KIAA0825: variants seen among roughly 807,000 people sequenced by gnomAD.
KIAA0825 encodes uncharacterized protein KIAA0825.
Under a neutral mutation model 147.6 loss-of-function variants are expected in KIAA0825, and 119 were observed. That is an observed-to-expected ratio of 0.81 (90% CI 0.69 to 0.94). The LOEUF (loss-of-function observed/expected upper bound fraction) is 0.94, where lower values mean the gene tolerates loss of function less well. KIAA0825 is among the 40% of genes least tolerant of loss of function. The pLI, the probability that KIAA0825 is intolerant of heterozygous loss-of-function variation, is 0.00. For missense variants in KIAA0825, 1,381 were observed against 1,472.7 expected, an observed-to-expected ratio of 0.94 and a Z score of 1.02; for synonymous variants, 470 against 518.1, an observed-to-expected ratio of 0.91 and a Z score of 1.26.
chr5:94,454,752 C>A lies in KIAA0825; in HGVS notation c.2247-1683G>T, dbSNP rs372465013. 6.7e-4 allele frequency among the ~76,000 whole-genome samples: 102 copies of A among 152,108 alleles called. 1 individual carries two copies. Among genetic ancestry groups the A allele is most frequent in the African/African-American group, 2.3e-3 (97 of 41,478 alleles). The stretch of plus-strand genomic sequence containing the variant: ...ATAACTTTAGCAGTAGTGAGGAGAG[C>A]AGGTTGGAAAGAGTCAGGCAGGAGA... On this transcript the variant is annotated intron_variant, in intron 12 of 20. Coordinates refer to ENST00000682413, the MANE Select transcript of KIAA0825 (RefSeq NM_001145678.3).
At chr5:94,500,725 T>G (rs79632280) in intron 5 of KIAA0825, among the ~76,000 whole-genome samples, 1,789 of 152,294 alleles carry the variant, frequency 0.012, 43 homozygotes, top group African/African-American at 0.041. Context: ...ATCATCATGA[T>G]AAACAAAAGA....
At chr5:94,411,384 AT>A (rs1198406510) in intron 15 of KIAA0825, among the ~76,000 whole-genome samples, 3 of 152,204 alleles carry the variant, frequency 2.0e-5, no homozygotes, top group African/African-American at 7.2e-5. Flanking sequence ...AGATGCATCT[AT>A]TTGATCACTT....
intron 12 of KIAA0825, among the ~76,000 whole-genome samples, chr5:94,456,573 G>A (rs531618618): frequency 6.6e-6 from 1 of 152,290 alleles, no homozygotes; most frequent in Non-Finnish European, 1.5e-5. Flanking sequence ...GAGAGCCTGG[G>A]CTTATATCCT....
chr5:94,382,710 C>T (rs990431519), intron 20 of KIAA0825, among the ~76,000 whole-genome samples: 1 of 152,146 alleles, frequency 6.6e-6, no homozygotes, highest in African/African-American at 2.4e-5. Flanking sequence ...CCCACTCCTG[C>T]ACAGATCTCA....
intron 1 of KIAA0825, among the ~76,000 whole-genome samples, chr5:94,600,445 G>A (rs116153051): frequency 0.02 from 3,029 of 150,284 alleles, 83 homozygotes; most frequent in African/African-American, 0.061. Flanking sequence ...ATTTCCTTAT[G>A]TGTATATATA....
At chr5:94,526,936 G>T (rs1188085586) in intron 3 of KIAA0825, among the ~76,000 whole-genome samples, 2 of 151,922 alleles carry the variant, frequency 1.3e-5, no homozygotes, top group Non-Finnish European at 2.9e-5. Flanking sequence ...AGTGCCTGTG[G>T]GAGGTGTAAA....
intron 3 of KIAA0825, among the ~76,000 whole-genome samples, 184 bp from the exon 4 acceptor site, chr5:94,524,282 T>C (rs1224245497): frequency 2.6e-5 from 4 of 151,642 alleles, no homozygotes; most frequent in Admixed American, 2.6e-4. Context: ...AGTTCAAATT[T>C]TCTGGCAGTA....
At chr5:94,583,947 G>T (rs1257244335) in intron 1 of KIAA0825, among the ~76,000 whole-genome samples, 1 of 152,006 alleles carries the variant, frequency 6.6e-6, no homozygotes, top group African/African-American at 2.4e-5. Context: ...GCAGCTGAGG[G>T]GCCTGTTAGA....
intron 20 of KIAA0825, among the ~76,000 whole-genome samples, chr5:94,229,913 A>G (rs1313395416): frequency 6.6e-6 from 1 of 151,958 alleles, no homozygotes; most frequent in East Asian, 1.9e-4. Context: ...TCTAATTCCT[A>G]TGGGTTCTTT....
intron 20 of KIAA0825, among the ~76,000 whole-genome samples, chr5:94,337,860 G>C (rs1456830216): frequency 1.3e-5 from 2 of 152,202 alleles, no homozygotes; most frequent in Non-Finnish European, 2.9e-5. Flanking sequence ...AAGTGCTTTT[G>C]AAGACTTTTA....
chr5:94,219,759 T>C (rs1773522462), intron 20 of KIAA0825, among the ~76,000 whole-genome samples: 1 of 152,196 alleles, frequency 6.6e-6, no homozygotes, highest in Non-Finnish European at 1.5e-5. Context: ...AAAAATATCA[T>C]ATGAAAGATA....
At chr5:94,305,831 G>T (rs971872444) in intron 20 of KIAA0825, among the ~76,000 whole-genome samples, 1 of 151,894 alleles carries the variant, frequency 6.6e-6, no homozygotes, top group African/African-American at 2.4e-5. Flanking sequence ...CAAATAGAAG[G>T]ATCTGAAGAT....
chr5:94,390,969 T>C (rs1749815690), intron 18 of KIAA0825, among the ~76,000 whole-genome samples: 1 of 152,204 alleles, frequency 6.6e-6, no homozygotes, highest in South Asian at 2.1e-4. Flanking sequence ...GCTATTTACA[T>C]TTTCAATAAA....
chr5:94,186,213 G>T (rs1770104851), intron 20 of KIAA0825, among the ~76,000 whole-genome samples: 2 of 152,146 alleles, frequency 1.3e-5, no homozygotes, highest in South Asian at 2.1e-4. Flanking sequence ...GTGTATTTCA[G>T]AATTGTAGTT....
At chr5:94,459,067 T>A (rs1326572904) in intron 12 of KIAA0825, among the ~76,000 whole-genome samples, 1 of 152,128 alleles carries the variant, frequency 6.6e-6, no homozygotes, top group African/African-American at 2.4e-5. Flanking sequence ...ATAAATAGAA[T>A]CAAACAATGT....
chr5:94,262,000 T>C (rs1776518209), intron 20 of KIAA0825, among the ~76,000 whole-genome samples: 1 of 151,974 alleles, frequency 6.6e-6, no homozygotes, highest in Non-Finnish European at 1.5e-5. Flanking sequence ...ATAAATTTCT[T>C]TTAAAAAAAT....
At chr5:94,523,704 T>A (rs1768679941) in intron 4 of KIAA0825, among the ~76,000 whole-genome samples, 2 of 151,556 alleles carry the variant, frequency 1.3e-5, no homozygotes, top group African/African-American at 4.8e-5. Context: ...CATAATATTG[T>A]ATCTCCATTT....
intron 2 of KIAA0825, among the ~76,000 whole-genome samples, chr5:94,564,386 G>GTT (rs766510240): frequency 7.3e-6 from 1 of 137,184 alleles, no homozygotes; most frequent in African/African-American, 2.8e-5. Context: ...TTTTGAATTT[G>GTT]TGTGTGTGTG....
intron 1 of KIAA0825, among the ~76,000 whole-genome samples, chr5:94,617,226 T>C (rs2091349782): frequency 1.3e-5 from 2 of 152,174 alleles, no homozygotes; most frequent in African/African-American, 2.4e-5. Context: ...GCTGTACAGA[T>C]ATAATACATA....
Sources: allele counts gnomAD v4.1 joint callset (sites outside exome capture counted in the v4.1 genomes callset), GRCh38; gene constraint gnomAD v4.1.1; transcripts MANE v1.5; gene names NCBI Gene and HGNC (gene_info 2026-07-23, HGNC 2026-07-21).